DISP1: variants seen among roughly 807,000 people sequenced by gnomAD.
The protein encoded by DISP1 is protein dispatched homolog 1.
A neutral mutation model predicts 37.3 loss-of-function variants in DISP1; 30 were observed. That is an observed-to-expected ratio of 0.80 (90% CI 0.60 to 1.09). The LOEUF is 1.09. Among genes scored for constraint, DISP1 ranks in the 50% least tolerant of loss-of-function variants. The pLI, the probability that DISP1 is intolerant of heterozygous loss-of-function variation, is 0.00. For synonymous variants in DISP1, 634 were observed against 690.2 expected (o/e 0.92, Z 1.28); for missense variants, 1,598 against 1,879.5 (o/e 0.85, Z 2.77).
intron 1 of DISP1, among the ~76,000 whole-genome samples, chr1:222,902,394 G>T (rs1232573772): frequency 1.3e-5 from 2 of 152,152 alleles, no homozygotes; most frequent in East Asian, 3.9e-4. Flanking sequence ...ATAGGCATGG[G>T]CAAGGACTTC....
intron 3 of DISP1, chr1:222,979,614 T>A (rs1677683364): frequency 2.1e-6 from 1 of 471,126 alleles, no homozygotes; most frequent in Admixed American, 2.3e-5. Flanking sequence ...GTTTTTGGTC[T>A]TTTGTAGATT....
In DISP1 at chr1:223,002,928, A is replaced by T. The variant is rs758853373; in HGVS notation, c.1531A>T (p.Ile511Phe). The T allele has an allele frequency of 6.2e-7, 1 of 1,614,006 alleles. No individual in the cohort carries two copies. Among genetic ancestry groups the T allele is most frequent in the Non-Finnish European group, 8.5e-7 (1 of 1,180,048 alleles). Residue 511 changes from isoleucine (I) to phenylalanine (F), a missense_variant, in exon 9 of 9, where the codon ATT (isoleucine) becomes TTT (phenylalanine). By Grantham distance (21) the Ile-to-Phe change is conservative. Coordinates refer to ENST00000675850, the MANE Select transcript of DISP1 (RefSeq NM_001377229.1). ...LMDTVYPAIA[I>F]VIVLLVMCVY... ...GGATACTGTGTATCCTGCCATAGCC[A>T]TTGTGATTGTCCTTTTAGTTATGTG...
chr1:222,894,018 G>T (rs1165664656), intron 1 of DISP1, among the ~76,000 whole-genome samples: 1 of 152,182 alleles, frequency 6.6e-6, no homozygotes, highest in Non-Finnish European at 1.5e-5. Context: ...TACAAGTTGA[G>T]GAGACGTGAA....
chr1:222,936,684 A>ATGATATATC (rs1558339325), intron 2 of DISP1, among the ~76,000 whole-genome samples: 20 of 109,764 alleles, frequency 1.8e-4, no homozygotes, highest in African/African-American at 7.4e-4. Context: ...TATAATATAT[A>ATGATATATC]AAATATATGA....
At chr1:222,942,175 A>G (rs1017695431) in intron 2 of DISP1, among the ~76,000 whole-genome samples, 2 of 151,994 alleles carry the variant, frequency 1.3e-5, no homozygotes, top group Admixed American at 6.6e-5. Flanking sequence ...TGTGCAGGCA[A>G]TGTCACCTGT....
chr1:222,858,545 C>A (rs550735231), intron 1 of DISP1, among the ~76,000 whole-genome samples: 36 of 152,028 alleles, frequency 2.4e-4, no homozygotes, highest in African/African-American at 8.4e-4. Flanking sequence ...GAACAGGCAA[C>A]CTGTAGAATG....
rs116141493 is a variant in DISP1, at chr1:222,824,900, C to A, written c.-159+9822C>A. On this transcript the variant is annotated intron_variant, in intron 1 of 8. Transcript: ENST00000675850. Reference sequence around the variant, plus strand: ...CTTTACAACCACAAGTTATTGCCAGCTGAAAAGGATAATGGAGGGTAATGA... The same window carrying A: ...CTTTACAACCACAAGTTATTGCCAGATGAAAAGGATAATGGAGGGTAATGA... 6.2e-3 allele frequency among the ~76,000 whole-genome samples: 950 copies of A among 152,198 alleles called. 10 individuals carry two copies. Among genetic ancestry groups the A allele is most frequent in the African/African-American group, 0.022 (897 of 41,536 alleles).
At chr1:222,824,937 C>A (rs1262352090) in intron 1 of DISP1, among the ~76,000 whole-genome samples, 2 of 152,136 alleles carry the variant, frequency 1.3e-5, no homozygotes, top group Non-Finnish European at 2.9e-5. Context: ...GAATGCGTTT[C>A]CATCTGCCGC....
At chr1:222,937,528 A>C (rs34232799) in intron 2 of DISP1, among the ~76,000 whole-genome samples, 17,089 of 152,220 alleles carry the variant, frequency 0.11, 1,308 homozygotes, top group Non-Finnish European at 0.16. Context: ...TTTTCAAAAC[A>C]TTTTTACATT....
chr1:222,831,548 G>GT (rs1558281894), intron 1 of DISP1, among the ~76,000 whole-genome samples: 1 of 152,102 alleles, frequency 6.6e-6, no homozygotes, highest in African/African-American at 2.4e-5. Context: ...CTGTATACTA[G>GT]TTTTTTGTCA....
intron 1 of DISP1, among the ~76,000 whole-genome samples, chr1:222,898,104 A>C (rs560670018): frequency 6.6e-6 from 1 of 152,142 alleles, no homozygotes; most frequent in South Asian, 2.1e-4. Context: ...ACTTATCTGT[A>C]AAGTTTTGGT....
chr1:222,971,379 T>A (rs1023748684), intron 3 of DISP1, among the ~76,000 whole-genome samples: 3 of 146,786 alleles, frequency 2.0e-5, no homozygotes, highest in African/African-American at 7.3e-5. Flanking sequence ...ACAGTGGATT[T>A]TTTATTATTT....
chr1:222,895,538 G>T (rs1016314219), intron 1 of DISP1, among the ~76,000 whole-genome samples: 2 of 152,084 alleles, frequency 1.3e-5, no homozygotes, highest in African/African-American at 4.8e-5. Flanking sequence ...ATCAGTAGTT[G>T]CCCAGTTCTG....
chr1:222,994,907 A>G lies in DISP1; in HGVS notation c.912A>G (p.Val304=). 2 of 1,611,452 alleles carry G rather than the reference A, an allele frequency of 1.2e-6. No individual in the cohort carries two copies. The highest frequency in any genetic ancestry group is 1.7e-6 in the Non-Finnish European group (2 of 1,178,448). ...CAGGTGACCGATATTCCAGAGTGGT[A>G]TTTACTTCATCTGGAGGGGAGACAT... ...DVPSDRYSRV[V]FTSSGGETLW... The change falls in exon 8 of 9, where the codon GTA becomes GTG. Residue 304 remains valine, a synonymous_variant. Transcript: ENST00000675850.
rs143293715 is a variant in DISP1 at position 222,990,715 on chromosome 1, G to A, written c.630G>A (p.Val210=). Residue 210 remains valine, a synonymous_variant, in exon 5 of 9, where the codon GTG becomes GTA. Coordinates refer to ENST00000675850, the MANE Select transcript of DISP1 (RefSeq NM_001377229.1). Reference sequence around the variant, plus strand: ...TCTGTGCCTTGGTTGGAGTATTAGTGCCAGAGCTCCCTGACTTCTCTGATC... The same window carrying A: ...TCTGTGCCTTGGTTGGAGTATTAGTACCAGAGCTCCCTGACTTCTCTGATC... ...IVVCALVGVL[V]PELPDFSDPL... 182 of 1,614,010 alleles carry A rather than the reference G, an allele frequency of 1.1e-4. 1 individual carries two copies. The highest frequency in any genetic ancestry group is 1.5e-4 in the Non-Finnish European group (180 of 1,179,994).
intron 2 of DISP1, among the ~76,000 whole-genome samples, chr1:222,932,531 C>T (rs1187652987): frequency 6.6e-6 from 1 of 151,916 alleles, no homozygotes; most frequent in Admixed American, 6.6e-5. Context: ...CATTGTTTGA[C>T]ATCCCTGATT....
intron 1 of DISP1, among the ~76,000 whole-genome samples, chr1:222,834,924 A>G (rs773722144): frequency 1.2e-4 from 18 of 152,196 alleles, no homozygotes; most frequent in Non-Finnish European, 1.8e-4. Flanking sequence ...TACCTAGTGC[A>G]GTATTAAGTA....
chr1:223,001,466 T>G (rs954510073), intron 8 of DISP1, among the ~76,000 whole-genome samples: 2 of 152,238 alleles, frequency 1.3e-5, no homozygotes, highest in East Asian at 3.8e-4. Flanking sequence ...ACCTTTATGC[T>G]TCTTGACATC....
At chr1:222,923,763 T>A (rs750745302) in intron 1 of DISP1, among the ~76,000 whole-genome samples, 1 of 152,024 alleles carries the variant, frequency 6.6e-6, no homozygotes, top group Non-Finnish European at 1.5e-5. Flanking sequence ...TTGTTTTAGG[T>A]CTCTGCTTCC....
Sources: allele counts gnomAD v4.1 joint callset (sites outside exome capture counted in the v4.1 genomes callset), GRCh38; gene constraint gnomAD v4.1.1; transcripts MANE v1.5; gene names NCBI Gene and HGNC (gene_info 2026-07-23, HGNC 2026-07-21).